PCAT7: variants seen among roughly 807,000 people sequenced by gnomAD.
The protein encoded by PCAT7 is prostate cancer associated transcript 7 (non-protein coding).
At chr9:94,567,280 TTC>T (rs1564181328) in intron 2 of PCAT7, 2 of 1,614,040 alleles carry the variant, frequency 1.2e-6, no homozygotes, top group African/African-American at 2.7e-5. Context: ...CTCAGGGAAT[TTC>T]TTTTTCTGCA....
intron 2 of PCAT7, chr9:94,570,427 G>A (rs1187589428): frequency 2.0e-5 from 3 of 152,176 alleles, no homozygotes; most frequent in Non-Finnish European, 2.9e-5. Flanking sequence ...GGGAATAATT[G>A]TAGGACATAT....
chr9:94,560,828 G>T (rs563588229), intron 2 of PCAT7, among the ~76,000 whole-genome samples: 2 of 150,514 alleles, frequency 1.3e-5, no homozygotes, highest in Non-Finnish European at 3.0e-5. Context: ...TGATGCCTTT[G>T]GTCTAGGCTG....
intron 2 of PCAT7, chr9:94,571,690 A>G: frequency 8.2e-7 from 1 of 1,212,824 alleles, no homozygotes; most frequent in Non-Finnish European, 1.1e-6. Flanking sequence ...ATCTCCTCGA[A>G]TCACTGAAGG....
intron 2 of PCAT7, among the ~76,000 whole-genome samples, chr9:94,566,842 T>C (rs1203164220): frequency 6.6e-6 from 1 of 152,226 alleles, no homozygotes; most frequent in African/African-American, 2.4e-5. Flanking sequence ...AAATAAAGTT[T>C]ATATTTTATG....
Position 94,567,170 on chromosome 9 carries a change from G to A in PCAT7, n.442-5809G>A. 2.5e-6 allele frequency: 3 copies of A among 1,212,306 alleles called. No individual in the cohort carries two copies. The South Asian group carries it at 3.9e-5, about 16-fold the overall frequency. The allele number at this position is 1,212,306 out of a possible 1,614,324, so 75.1% of individuals were successfully genotyped here. A position where few individuals can be genotyped will look rare whatever the true frequency, so the allele number is the denominator to read the frequency against. Reference sequence around the variant, plus strand: ...CATACTGACCACAGCCATAAACAGTGGCACCAACCTCTTTCAGCAAAGCCC... The same window carrying A: ...CATACTGACCACAGCCATAAACAGTAGCACCAACCTCTTTCAGCAAAGCCC... On this transcript the variant is annotated intron_variant and non_coding_transcript_variant, in intron 2 of 8. Transcript: ENST00000647389.
intron 1 of PCAT7, chr9:94,558,766 A>T (rs1325593587): frequency 4.8e-6 from 3 of 623,320 alleles, no homozygotes; most frequent in East Asian, 2.9e-5. Context: ...TTGACCATAG[A>T]ATCGCCTGTG....
intron 1 of PCAT7, among the ~76,000 whole-genome samples, chr9:94,557,037 A>G (rs908842076): frequency 6.6e-6 from 1 of 152,074 alleles, no homozygotes; most frequent in Non-Finnish European, 1.5e-5. Flanking sequence ...TCACTTGTCT[A>G]TGTCTGTCTG....
intron 2 of PCAT7, chr9:94,572,923 C>T (rs1827283939): frequency 6.6e-6 from 1 of 150,732 alleles, no homozygotes; most frequent in Non-Finnish European, 1.5e-5. Flanking sequence ...GATCTTGTAT[C>T]CTGTGACCTT....
intron 2 of PCAT7, among the ~76,000 whole-genome samples, chr9:94,566,843 A>G (rs1827196927): frequency 6.6e-6 from 1 of 152,224 alleles, no homozygotes; most frequent in Non-Finnish European, 1.5e-5. Flanking sequence ...AATAAAGTTT[A>G]TATTTTATGT....
At chr9:94,561,352 A>ATTTTTTT (rs1174386595) in intron 2 of PCAT7, among the ~76,000 whole-genome samples, 1,088 of 55,006 alleles carry the variant, frequency 0.02, 235 homozygotes, top group Admixed American at 0.024. Context: ...TGTGACCTGT[A>ATTTTTTT]TTTTTTTTTT....
chr9:94,564,236 A>G (rs1334737433), intron 2 of PCAT7, among the ~76,000 whole-genome samples: 3 of 152,248 alleles, frequency 2.0e-5, no homozygotes, highest in Non-Finnish European at 4.4e-5. Flanking sequence ...ATCAGACGTA[A>G]AACAATCCTC....
chr9:94,571,235 G>T (rs767837780), intron 2 of PCAT7, among the ~76,000 whole-genome samples: 1 of 152,174 alleles, frequency 6.6e-6, no homozygotes. Context: ...GGCCTGAGTT[G>T]ATGCAACTGG....
At chr9:94,560,809 A>G (rs1262293681) in intron 2 of PCAT7, among the ~76,000 whole-genome samples, 1 of 149,982 alleles carries the variant, frequency 6.7e-6, no homozygotes, top group Non-Finnish European at 1.5e-5. Context: ...TATATTAAGG[A>G]GAGGAACATG....
intron 1 of PCAT7, among the ~76,000 whole-genome samples, chr9:94,556,131 A>G (rs1343148898): frequency 1.3e-5 from 2 of 150,502 alleles, no homozygotes; most frequent in East Asian, 3.9e-4. Context: ...ACGATGAGGA[A>G]AACAGTTTTT....
At chr9:94,556,034 G>C (rs927851315) in intron 1 of PCAT7, among the ~76,000 whole-genome samples, 1 of 150,932 alleles carries the variant, frequency 6.6e-6, no homozygotes, top group Admixed American at 6.6e-5. Flanking sequence ...CAGGAGTGGG[G>C]AAAAGGCTTT....
intron 2 of PCAT7, among the ~76,000 whole-genome samples, chr9:94,559,602 T>C (rs1161873026): frequency 6.6e-6 from 1 of 152,046 alleles, no homozygotes; most frequent in Non-Finnish European, 1.5e-5. Flanking sequence ...GTGGCTGGGA[T>C]TGTGTGGAGG....
intron 2 of PCAT7, among the ~76,000 whole-genome samples, chr9:94,559,671 G>T (rs1365610298): frequency 6.6e-6 from 1 of 152,108 alleles, no homozygotes; most frequent in African/African-American, 2.4e-5. Flanking sequence ...CAATGGTCTT[G>T]TCTTTTGACC....
chr9:94,560,586 A>G (rs1827082858), intron 2 of PCAT7, among the ~76,000 whole-genome samples: 1 of 151,972 alleles, frequency 6.6e-6, no homozygotes, highest in African/African-American at 2.4e-5. Flanking sequence ...TGACCCAGCT[A>G]TGTGCAGCCT....
chr9:94,554,713 C>A (rs1214462046), upstream of PCAT7, among the ~76,000 whole-genome samples: 1 of 152,358 alleles, frequency 6.6e-6, no homozygotes, highest in African/African-American at 2.4e-5. Flanking sequence ...GCAGGAGAAG[C>A]TCTCGCTGCT....
Sources: allele counts gnomAD v4.1 joint callset (sites outside exome capture counted in the v4.1 genomes callset), GRCh38; gene constraint gnomAD v4.1.1; transcripts MANE v1.5; gene names NCBI Gene and HGNC (gene_info 2026-07-23, HGNC 2026-07-21).